The following LY96 variants were observed in gnomAD, a reference collection of about 807,000 sequenced individuals.
LY96 encodes myeloid differentiation protein-2.
Under a neutral mutation model 18.9 loss-of-function variants are expected in LY96, and 18 were observed. The observed-to-expected ratio is 0.95, with a 90% confidence interval of 0.66 to 1.41. LY96 has a LOEUF of 1.41. Ranked by LOEUF, LY96 falls within the 40% of genes most tolerant of loss-of-function variation. LY96 has a pLI of 0.00. For synonymous variants in LY96, 66 were observed against 62.6 expected (o/e 1.06, Z -0.26); for missense variants, 175 against 182.4 (o/e 0.96, Z 0.23).
intron 3 of LY96, among the ~76,000 whole-genome samples, chr8:74,015,818 C>T (rs1447891534): frequency 6.6e-6 from 1 of 152,188 alleles, no homozygotes; most frequent in Non-Finnish European, 1.5e-5. Context: ...CTCGCCCTGC[C>T]TCAGTTCCCT....
the LY96 span, among the ~76,000 whole-genome samples, chr8:74,096,079 T>A: frequency 1.6e-4 from 24 of 152,218 alleles, no homozygotes; most frequent in Admixed American, 1.6e-3. Flanking sequence ...ACATTCCACA[T>A]CTAACCTTTC....
chr8:74,036,743 A>C, the LY96 span, among the ~76,000 whole-genome samples: 581 of 152,290 alleles, frequency 3.8e-3, 3 homozygotes, highest in African/African-American at 0.013. Context: ...CTGCAGTGCC[A>C]TGGTCTCAGT....
chr8:74,042,979 G>A, the LY96 span, among the ~76,000 whole-genome samples: 1 of 152,048 alleles, frequency 6.6e-6, no homozygotes, highest in Non-Finnish European at 1.5e-5. Flanking sequence ...GGTTCCCCAT[G>A]TTGGCCAGGA....
At chr8:74,075,533 A>G in the LY96 span, among the ~76,000 whole-genome samples, 8 of 152,224 alleles carry the variant, frequency 5.3e-5, no homozygotes, top group Non-Finnish European at 1.2e-4. Flanking sequence ...GGCTTCCCAA[A>G]GTGTTGGGAT....
chr8:74,007,956 C>A (rs1357612911), intron 2 of LY96, among the ~76,000 whole-genome samples: 1 of 152,194 alleles, frequency 6.6e-6, no homozygotes, highest in Non-Finnish European at 1.5e-5. Flanking sequence ...GACAGGGTTT[C>A]GCCATGTTGG....
At chr8:74,076,078 C>G in the LY96 span, among the ~76,000 whole-genome samples, 93 of 152,158 alleles carry the variant, frequency 6.1e-4, no homozygotes, top group Middle Eastern at 0.02. Flanking sequence ...CTTTCTCGGT[C>G]GCTGAATGTG....
At chr8:73,993,391 T>C (rs182762561) in intron 1 of LY96, among the ~76,000 whole-genome samples, 1 of 152,100 alleles carries the variant, frequency 6.6e-6, no homozygotes, top group Non-Finnish European at 1.5e-5. Flanking sequence ...TCCTCCCAGC[T>C]CAGCCTTCCA....
chr8:74,016,832 T>A (rs1816653365), intron 3 of LY96, among the ~76,000 whole-genome samples: 1 of 152,104 alleles, frequency 6.6e-6, no homozygotes, highest in Non-Finnish European at 1.5e-5. Context: ...GAAGGAAAGC[T>A]AACAAACAGA....
At chr8:73,994,669 T>C (rs1816084938) in intron 1 of LY96, among the ~76,000 whole-genome samples, 1 of 152,172 alleles carries the variant, frequency 6.6e-6, no homozygotes. Flanking sequence ...AAGTTTTTTG[T>C]AGTGATGGGG....
At chr8:74,035,684 A>G in the LY96 span, among the ~76,000 whole-genome samples, 1 of 152,206 alleles carries the variant, frequency 6.6e-6, no homozygotes, top group Non-Finnish European at 1.5e-5. Context: ...CTGATAAAAA[A>G]CATTTACAAT....
chr8:74,005,681 A>G lies in LY96; in HGVS notation c.202+796A>G, dbSNP rs190715395. Among the ~76,000 whole-genome samples, 5 of 152,278 alleles carry G rather than the reference A, an allele frequency of 3.3e-5. No individual in the cohort carries two copies. The East Asian group carries it at 9.6e-4, about 29-fold the overall frequency. On this transcript the variant is annotated intron_variant, in intron 2 of 4. Transcript: ENST00000284818. ...GTGTTGTGTCTTGGTTTTCCTCTCT[A>G]TGACTTTGCTTGTTATCAGCTTAGA...
intron 1 of LY96, among the ~76,000 whole-genome samples, chr8:73,998,594 G>A (rs1816198132): frequency 6.6e-6 from 1 of 152,080 alleles, no homozygotes; most frequent in African/African-American, 2.4e-5. Context: ...GAGGTGGGAG[G>A]ATCTCTTGAG....
At chr8:74,010,219 C>T (rs776753907) in intron 3 of LY96, 90 bp downstream of exon 3, 6 of 1,234,332 alleles carry the variant, frequency 4.9e-6, no homozygotes, top group Non-Finnish European at 5.8e-6. Flanking sequence ...ATGGGAAGTT[C>T]CTTTTCTGCT....
chr8:74,081,109 C>CTTTCTTTCTT, the LY96 span, among the ~76,000 whole-genome samples: 4 of 135,556 alleles, frequency 3.0e-5, no homozygotes, highest in Non-Finnish European at 6.2e-5. Context: ...TTCTTTCTTT[C>CTTTCTTTCTT]TTTCTTTCTT....
downstream of LY96, chr8:74,029,205 G>A (rs1376965980): frequency 1.0e-5 from 6 of 588,842 alleles, no homozygotes; most frequent in Non-Finnish European, 1.8e-5. Context: ...TCTAGGAAAC[G>A]GAGGCATGGT....
At chr8:74,076,212 G>A in the LY96 span, among the ~76,000 whole-genome samples, 1 of 151,950 alleles carries the variant, frequency 6.6e-6, no homozygotes, top group Non-Finnish European at 1.5e-5. Flanking sequence ...CTTCTTGAAG[G>A]GTATCTCGGT....
chr8:74,058,861 G>A, the LY96 span, among the ~76,000 whole-genome samples: 5 of 152,042 alleles, frequency 3.3e-5, no homozygotes, highest in South Asian at 6.2e-4. Flanking sequence ...GCAATTATAC[G>A]GAATGAGAAG....
intron 3 of LY96, among the ~76,000 whole-genome samples, chr8:74,012,120 G>A (rs1340685307): frequency 2.0e-5 from 3 of 152,134 alleles, no homozygotes; most frequent in South Asian, 4.1e-4. Context: ...TCTATGGAAA[G>A]CAATATGGAG....
the LY96 span, among the ~76,000 whole-genome samples, chr8:74,067,392 A>AT: frequency 6.6e-6 from 1 of 151,926 alleles, no homozygotes. Context: ...ACCATGTGTA[A>AT]TTTTTTATTT....
Sources: allele counts gnomAD v4.1 joint callset (sites outside exome capture counted in the v4.1 genomes callset), GRCh38; gene constraint gnomAD v4.1.1; transcripts MANE v1.5; gene names NCBI Gene and HGNC (gene_info 2026-07-23, HGNC 2026-07-21).